The following SKAP1 variants were observed in gnomAD, a reference collection of about 807,000 sequenced individuals.
SKAP1 encodes src kinase associated phosphoprotein 1, also known as src kinase-associated phosphoprotein 1.
SKAP1 carries 44 observed loss-of-function variants against 58.5 expected under a neutral mutation model. The ratio of observed to expected loss-of-function variants is 0.75; its 90% CI spans 0.59 to 0.97. The LOEUF (loss-of-function observed/expected upper bound fraction) is 0.97. SKAP1 is among the 50% of genes least tolerant of loss of function. The pLI, the probability that SKAP1 is intolerant of heterozygous loss-of-function variation, is 0.00. For missense variants in SKAP1, 390 were observed against 435.2 expected (o/e 0.90, Z 0.92); for synonymous variants, 127 against 149.7 (o/e 0.85, Z 1.11).
chr17:48,205,867 A>C (rs1413098981), intron 4 of SKAP1, among the ~76,000 whole-genome samples: 1 of 152,148 alleles, frequency 6.6e-6, no homozygotes, highest in Non-Finnish European at 1.5e-5. Flanking sequence ...GTCTCAAGAA[A>C]TTGACCTCCC....
intron 4 of SKAP1, among the ~76,000 whole-genome samples, chr17:48,301,422 G>A (rs1393147117): frequency 6.6e-6 from 1 of 151,978 alleles, no homozygotes; most frequent in Non-Finnish European, 1.5e-5. Flanking sequence ...ATTGCACATG[G>A]TAGAGACTCC....
intron 4 of SKAP1, among the ~76,000 whole-genome samples, chr17:48,261,092 G>T (rs1429471323): frequency 6.6e-6 from 1 of 152,168 alleles, no homozygotes; most frequent in Non-Finnish European, 1.5e-5. Context: ...TATTATAGTT[G>T]TGTTTGGATC....
intron 4 of SKAP1, among the ~76,000 whole-genome samples, chr17:48,240,478 T>C (rs1037226676): frequency 2.0e-5 from 3 of 152,182 alleles, no homozygotes; most frequent in African/African-American, 4.8e-5. Flanking sequence ...ATTCTAACTG[T>C]AGAACCCTGA....
chr17:48,232,319 A>G (rs1337218129), intron 4 of SKAP1, among the ~76,000 whole-genome samples: 1 of 152,226 alleles, frequency 6.6e-6, no homozygotes, highest in Non-Finnish European at 1.5e-5. Context: ...TCTATATACT[A>G]TTCTTTGTAA....
At chr17:48,326,578 G>A (rs2066439758) in intron 4 of SKAP1, among the ~76,000 whole-genome samples, 1 of 152,128 alleles carries the variant, frequency 6.6e-6, no homozygotes, top group African/African-American at 2.4e-5. Flanking sequence ...TCAAACACTT[G>A]GACATTATAG....
intron 11 of SKAP1, among the ~76,000 whole-genome samples, chr17:48,161,295 C>T (rs140007692): frequency 2.0e-5 from 3 of 152,274 alleles, no homozygotes; most frequent in Non-Finnish European, 4.4e-5. Flanking sequence ...TAATAACCAA[C>T]GGGTTTTCAG....
chr17:48,178,778 C>T (rs765887959), intron 9 of SKAP1, among the ~76,000 whole-genome samples: 10 of 152,094 alleles, frequency 6.6e-5, no homozygotes, highest in African/African-American at 1.7e-4. Context: ...TTTTTTTTAA[C>T]GTCAGACACA....
intron 2 of SKAP1, among the ~76,000 whole-genome samples, chr17:48,388,490 C>A (rs2067306107): frequency 6.6e-6 from 1 of 152,092 alleles, no homozygotes; most frequent in South Asian, 2.1e-4. Flanking sequence ...TGAAAATTTT[C>A]AACTTTGCAC....
intron 4 of SKAP1, among the ~76,000 whole-genome samples, chr17:48,300,085 T>C (rs1002954990): frequency 1.3e-5 from 2 of 152,108 alleles, no homozygotes; most frequent in Non-Finnish European, 2.9e-5. Context: ...GTTCCTAGCT[T>C]ATTATTTCCC....
At chr17:48,320,459 T>C (rs148382336) in intron 4 of SKAP1, among the ~76,000 whole-genome samples, 38 of 152,326 alleles carry the variant, frequency 2.5e-4, no homozygotes, top group African/African-American at 9.1e-4. Context: ...CACTTATAAA[T>C]GTTAAATAAA....
chr17:48,161,005 AATCACTAGAAG>A (rs1266527364), intron 11 of SKAP1, among the ~76,000 whole-genome samples: 1 of 152,170 alleles, frequency 6.6e-6, no homozygotes, highest in Non-Finnish European at 1.5e-5. Flanking sequence ...ATCCAGGATA[AATCACTAGAAG>A]ATTGTGATCT....
intron 4 of SKAP1, among the ~76,000 whole-genome samples, chr17:48,207,886 G>T (rs983696685): frequency 6.6e-6 from 1 of 152,174 alleles, no homozygotes; most frequent in African/African-American, 2.4e-5. Context: ...CTTCCACGTG[G>T]GAGGTTTTGT....
At chr17:48,242,201 C>T (rs1269722302) in intron 4 of SKAP1, among the ~76,000 whole-genome samples, 4 of 152,198 alleles carry the variant, frequency 2.6e-5, no homozygotes, top group African/African-American at 9.7e-5. Flanking sequence ...GCTCATCCAC[C>T]TCACCCCTCG....
At chr17:48,238,150 C>T (rs975324357) in intron 4 of SKAP1, among the ~76,000 whole-genome samples, 1 of 151,894 alleles carries the variant, frequency 6.6e-6, no homozygotes, top group African/African-American at 2.4e-5. Flanking sequence ...CATGCCACCA[C>T]ATCCGGCTGA....
At chr17:48,216,513 A>G (rs7221416) in intron 4 of SKAP1, among the ~76,000 whole-genome samples, 34,571 of 149,676 alleles carry the variant, frequency 0.23, 4,213 homozygotes, top group South Asian at 0.33. Flanking sequence ...TTTTTTTGAG[A>G]CAGGGTCTCA....
At chr17:48,380,203 G>C (rs975109549) in intron 2 of SKAP1, 3 of 152,260 alleles carry the variant, frequency 2.0e-5, no homozygotes, top group African/African-American at 7.2e-5. Context: ...TTGGGACCAG[G>C]GCTTTCAGTT....
intron 4 of SKAP1, among the ~76,000 whole-genome samples, chr17:48,260,905 G>A (rs903526833): frequency 6.6e-6 from 1 of 152,098 alleles, no homozygotes; most frequent in Non-Finnish European, 1.5e-5. Flanking sequence ...CACGTTCTTA[G>A]TACTACTGTT....
At chr17:48,140,867 ACCTATACCT>A (rs1434244203) in intron 11 of SKAP1, among the ~76,000 whole-genome samples, 1 of 149,364 alleles carries the variant, frequency 6.7e-6, no homozygotes, top group Non-Finnish European at 1.5e-5. Flanking sequence ...GCTGACCACG[ACCTATACCT>A]CCCAGGTTCA....
chr17:48,145,086 T>G lies in SKAP1; in HGVS notation c.979-7749A>C, dbSNP rs372738288. ...CACAAACCTTTCCATCAGGGCTTGC[T>G]TCTTGCCACAAAGTCTTTTTAGAAA... is the stretch of plus-strand genomic sequence containing the variant. On this transcript the variant is annotated intron_variant, in intron 11 of 12. Coordinates refer to ENST00000336915, the MANE Select transcript of SKAP1 (RefSeq NM_003726.4). Among the ~76,000 whole-genome samples the G allele has an allele frequency of 2.8e-4, 43 of 152,322 alleles. 1 individual carries two copies. The East Asian group carries it at 6.4e-3, about 23-fold the overall frequency.
Sources: allele counts gnomAD v4.1 joint callset (sites outside exome capture counted in the v4.1 genomes callset), GRCh38; gene constraint gnomAD v4.1.1; transcripts MANE v1.5; gene names NCBI Gene and HGNC (gene_info 2026-07-23, HGNC 2026-07-21).